Variants in ABCC1 observed in about 807,000 individuals in gnomAD.
The protein encoded by ABCC1 is ATP binding cassette subfamily C member 1 (ABCC1 blood group).
In ABCC1, 83 loss-of-function variants were observed where a neutral mutation model predicts 172.9. The ratio of observed to expected loss-of-function variants is 0.48; its 90% CI spans 0.40 to 0.58. The LOEUF is 0.58. ABCC1 is among the 20% of genes least tolerant of loss of function. The pLI, the probability that ABCC1 is intolerant of heterozygous loss-of-function variation, is 0.00. For synonymous variants in ABCC1, 937 were observed against 825.2 expected (o/e 1.14, Z -2.32); for missense variants, 1,817 against 2,002.7 (o/e 0.91, Z 1.77).
At chr16:16,039,939 CAGG>C (rs1198646019) in intron 7 of ABCC1, among the ~76,000 whole-genome samples, 1 of 152,058 alleles carries the variant, frequency 6.6e-6, no homozygotes, top group African/African-American at 2.4e-5. Context: ...GGAGATGAAG[CAGG>C]AGAAGGATTT....
rs3888568 is a variant in ABCC1 at position 16,090,902 on chromosome 16, T to C, written c.2644+314T>C. ...GACCTGATGAGTTTCAGGGTCCTTA[T>C]GGCAAAAATGGGAATGATGGTAATT... On this transcript the variant is annotated intron_variant, in intron 19 of 30. Coordinates refer to ENST00000399410, the MANE Select transcript of ABCC1 (RefSeq NM_004996.4). 1.0e-3 allele frequency among the ~76,000 whole-genome samples: 155 copies of C among 152,002 alleles called. 3 individuals are homozygous for C. In the South Asian group the frequency reaches 0.031, roughly 31 times the overall value.
intron 10 of ABCC1, among the ~76,000 whole-genome samples, chr16:16,052,211 A>C (rs1317083598): frequency 4.6e-5 from 7 of 151,456 alleles, no homozygotes; most frequent in Admixed American, 6.6e-5. Context: ...AAAAAACCAA[A>C]AAAATTAGCT....
intron 4 of ABCC1, among the ~76,000 whole-genome samples, chr16:16,014,903 C>T (rs953225213): frequency 2.6e-5 from 4 of 152,308 alleles, no homozygotes; most frequent in East Asian, 1.9e-4. Context: ...AGCTGTGGGC[C>T]GATGCCAGGC....
chr16:16,035,887 G>T (rs1263191974), intron 6 of ABCC1, among the ~76,000 whole-genome samples: 1 of 151,798 alleles, frequency 6.6e-6, no homozygotes, highest in East Asian at 2.0e-4. Context: ...GCCAAGGTGG[G>T]AGGGTTGCTT....
chr16:16,002,113 C>G (rs938780703), intron 1 of ABCC1, among the ~76,000 whole-genome samples: 2 of 152,126 alleles, frequency 1.3e-5, no homozygotes. Context: ...ATGCCAAGTC[C>G]CCAGGAGACC....
intron 24 of ABCC1, among the ~76,000 whole-genome samples, chr16:16,122,818 A>G (rs2045229157): frequency 1.3e-5 from 2 of 152,040 alleles, no homozygotes; most frequent in African/African-American, 4.8e-5. Flanking sequence ...CAGGAGTTCA[A>G]AGTTGCATTG....
At chr16:16,103,389 G>C (rs757477325) in intron 20 of ABCC1, among the ~76,000 whole-genome samples, 24 of 152,064 alleles carry the variant, frequency 1.6e-4, no homozygotes, top group Non-Finnish European at 1.3e-4. Context: ...AGACCAGCCT[G>C]GCCAACATGA....
chr16:16,132,052 G>C (rs548212035), intron 27 of ABCC1, 117 bp downstream of exon 27: 19 of 1,332,260 alleles, frequency 1.4e-5, no homozygotes, highest in Admixed American at 1.1e-4. Context: ...ACCTTTGCTT[G>C]AATGGCTTTT....
chr16:15,953,196 C>T (rs570564826), intron 1 of ABCC1, among the ~76,000 whole-genome samples: 1 of 151,138 alleles, frequency 6.6e-6, no homozygotes, highest in South Asian at 2.1e-4. Context: ...ATTAGCTGGG[C>T]CTGGTGATTC....
intron 1 of ABCC1, among the ~76,000 whole-genome samples, chr16:15,960,280 C>T (rs1261711952): frequency 6.6e-6 from 1 of 151,992 alleles, no homozygotes; most frequent in African/African-American, 2.4e-5. Flanking sequence ...GATGGGGTTT[C>T]ACTATGTTGC....
In ABCC1 at chr16:16,036,559, T is replaced by C. The variant is rs371157233; in HGVS notation, c.765T>C (p.Pro255=). 1 of 1,614,128 alleles carries C rather than the reference T, an allele frequency of 6.2e-7. No homozygotes were observed. The highest frequency in any genetic ancestry group is 8.5e-7 in the Non-Finnish European group (1 of 1,179,964). ...AGGACACGTCGGAACAAGTCGTGCC[T>C]GTTTTGGTAAAGAACTGGAAGAAGG... The part of the protein sequence containing the change: ...NKEDTSEQVV[P]VLVKNWKKEC... The change falls in exon 7 of 31, where the codon CCT becomes CCC. Residue 255 remains proline (P), a synonymous_variant. Transcript: ENST00000399410.
At chr16:16,053,497 T>G (rs1377185350) in intron 11 of ABCC1, among the ~76,000 whole-genome samples, 1 of 151,788 alleles carries the variant, frequency 6.6e-6, no homozygotes, top group Admixed American at 6.6e-5. Flanking sequence ...TTTCTTATTA[T>G]AAAAAAGTCC....
intron 1 of ABCC1, among the ~76,000 whole-genome samples, chr16:15,991,284 T>G (rs547733465): frequency 2.7e-4 from 39 of 145,382 alleles, no homozygotes; most frequent in Non-Finnish European, 3.8e-4. Flanking sequence ...TGTGTGTGTG[T>G]GGTGGGGTGC....
chr16:16,064,941 C>T (rs550484586), intron 12 of ABCC1, among the ~76,000 whole-genome samples: 2 of 152,328 alleles, frequency 1.3e-5, no homozygotes, highest in Admixed American at 1.3e-4. Flanking sequence ...AGAGTCAGAT[C>T]TTTGGAATAA....
chr16:16,068,254 C>T lies in ABCC1; in HGVS notation c.1776C>T (p.Leu592=), dbSNP rs2050190621. The T allele has an allele frequency of 3.7e-6, 6 of 1,614,132 alleles. No individual in the cohort carries two copies. The highest frequency in any genetic ancestry group is 5.1e-6 in the Non-Finnish European group (6 of 1,180,018). ...TGTCTTTGGCCTTGTTCAACATCCT[C>T]CGGTTTCCCCTGAACATTCTCCCCA... ...AFVSLALFNI[L]RFPLNILPMV... Residue 592 remains leucine (L), a synonymous_variant, in exon 13 of 31, where the codon CTC becomes CTT. Coordinates refer to ENST00000399410, the MANE Select transcript of ABCC1 (RefSeq NM_004996.4).
At chr16:16,126,706 A>G (rs1021656213) in intron 26 of ABCC1, among the ~76,000 whole-genome samples, 1 of 151,764 alleles carries the variant, frequency 6.6e-6, no homozygotes, top group African/African-American at 2.4e-5. Flanking sequence ...TGTATAGGGG[A>G]CTCCTGTTAC....
chr16:15,949,496 G>A (rs896821960), upstream of ABCC1: 6 of 137,806 alleles, frequency 4.4e-5, no homozygotes, highest in African/African-American at 1.3e-4. Context: ...GGCTGCCCAC[G>A]CCGAGACGCG....
Position 16,032,547 on chromosome 16 carries a change from G to A in ABCC1, c.616-562G>A, listed in dbSNP as rs553395574. Among the ~76,000 whole-genome samples the A allele has an allele frequency of 1.2e-4, 18 of 152,220 alleles. No homozygotes were observed. In the South Asian group the frequency reaches 1.7e-3, roughly 14 times the overall value. ...TGTTGGATGAACGAATGAATGAAGT[G>A]GAGATAATAGTAATACCATGTTTAT... On this transcript the variant is annotated intron_variant, in intron 5 of 30. Coordinates refer to ENST00000399410, the MANE Select transcript of ABCC1 (RefSeq NM_004996.4).
intron 1 of ABCC1, among the ~76,000 whole-genome samples, chr16:15,966,043 G>C (rs1297698325): frequency 6.6e-6 from 1 of 151,986 alleles, no homozygotes; most frequent in Non-Finnish European, 1.5e-5. Flanking sequence ...AAGTGAGCTG[G>C]CCCAGCTCAC....
Sources: allele counts gnomAD v4.1 joint callset (sites outside exome capture counted in the v4.1 genomes callset), GRCh38; gene constraint gnomAD v4.1.1; transcripts MANE v1.5; gene names NCBI Gene and HGNC (gene_info 2026-07-23, HGNC 2026-07-21).